The following ADAMTS2 variants were observed in gnomAD, a reference collection of about 807,000 sequenced individuals.
ADAMTS2 encodes the protein A disintegrin and metalloproteinase with thrombospondin motifs 2.
A neutral mutation model predicts 123.0 loss-of-function variants in ADAMTS2; 50 were observed. That is an observed-to-expected ratio of 0.41 (90% confidence interval 0.32 to 0.51). The LOEUF (loss-of-function observed/expected upper bound fraction) is 0.51. Among genes scored for constraint, ADAMTS2 ranks in the 20% least tolerant of loss-of-function variants. The pLI, the probability that ADAMTS2 is intolerant of heterozygous loss-of-function variation, is 0.35. For missense variants in ADAMTS2, 1,494 were observed against 1,705.2 expected (o/e 0.88, Z 2.18); for synonymous variants, 678 against 695.4 (o/e 0.98, Z 0.39).
intron 4 of ADAMTS2, among the ~76,000 whole-genome samples, chr5:179,187,558 C>T (rs999636904): frequency 6.6e-6 from 1 of 152,162 alleles, no homozygotes; most frequent in African/African-American, 2.4e-5. Context: ...GCCTGTGACC[C>T]CTCTCATGGG....
intron 5 of ADAMTS2, among the ~76,000 whole-genome samples, chr5:179,171,938 A>G (rs771923327): frequency 2.0e-5 from 3 of 152,088 alleles, no homozygotes; most frequent in Non-Finnish European, 1.5e-5. Flanking sequence ...CACACCCCTC[A>G]CAACCCAGCA....
chr5:179,284,199 C>A (rs933016666), intron 2 of ADAMTS2, among the ~76,000 whole-genome samples: 1 of 150,270 alleles, frequency 6.7e-6, no homozygotes, highest in Non-Finnish European at 1.5e-5. Context: ...CTTGGTGGTA[C>A]GCGCCTGTGG....
chr5:179,313,012 T>C (rs1293808254), intron 2 of ADAMTS2, among the ~76,000 whole-genome samples: 13 of 152,284 alleles, frequency 8.5e-5, no homozygotes, highest in Admixed American at 1.3e-4. Flanking sequence ...AGCAGTGTTG[T>C]CAGTGAGCTA....
At chr5:179,248,664 A>G (rs763943010) in intron 3 of ADAMTS2, among the ~76,000 whole-genome samples, 7 of 152,174 alleles carry the variant, frequency 4.6e-5, no homozygotes, top group Non-Finnish European at 7.4e-5. Context: ...TATATTGATG[A>G]AAGAGTCAAT....
chr5:179,216,020 A>G (rs1387134457), intron 3 of ADAMTS2, among the ~76,000 whole-genome samples: 1 of 152,266 alleles, frequency 6.6e-6, no homozygotes, highest in Non-Finnish European at 1.5e-5. Flanking sequence ...ACTCCTCTCA[A>G]GAAGCTACTG....
rs932717788 is a variant in ADAMTS2, at chr5:179,130,590, C to T, written c.2291-492G>A. On this transcript the variant is annotated intron_variant, in intron 15 of 21. Coordinates refer to ENST00000251582, the MANE Select transcript of ADAMTS2 (RefSeq NM_014244.5). The surrounding 1 kb of genome is among the most constrained non-coding windows in gnomAD (Gnocchi z 4.3). ...ACCCCATCAGGGACCATGGCCCAGC[C>T]GAGGCCCCAGCAGCTCCCCACAGCC... Among the ~76,000 whole-genome samples the T allele has an allele frequency of 6.6e-6, 1 of 152,156 alleles. No individual in the cohort carries two copies. The highest frequency in any genetic ancestry group is 2.4e-5 in the African/African-American group (1 of 41,428).
At chr5:179,201,634 A>AAATAC (rs1764568430) in intron 4 of ADAMTS2, among the ~76,000 whole-genome samples, 2 of 148,050 alleles carry the variant, frequency 1.4e-5, no homozygotes, top group Non-Finnish European at 3.0e-5. Flanking sequence ...AAAAATACAA[A>AAATAC]AAAAAAAAAA....
At chr5:179,342,269 T>C (rs1757798672) in intron 2 of ADAMTS2, among the ~76,000 whole-genome samples, 1 of 152,112 alleles carries the variant, frequency 6.6e-6, no homozygotes, top group South Asian at 2.1e-4. Context: ...TCCCACCACC[T>C]TACCTCACCC....
intron 3 of ADAMTS2, among the ~76,000 whole-genome samples, chr5:179,254,603 C>CG (rs552186244): frequency 7.9e-5 from 12 of 152,112 alleles, no homozygotes; most frequent in East Asian, 7.7e-4. Flanking sequence ...TGGGTGAAGT[C>CG]GGGGGGGCGT....
intron 18 of ADAMTS2, 120 bp downstream of exon 18, chr5:179,125,878 A>G: frequency 4.2e-6 from 6 of 1,426,116 alleles, no homozygotes; most frequent in Non-Finnish European, 5.8e-6. Context: ...ATGTGGTGAG[A>G]GAGACTTGGT....
At chr5:179,305,015 T>C (rs1561715982) in intron 2 of ADAMTS2, among the ~76,000 whole-genome samples, 1 of 148,428 alleles carries the variant, frequency 6.7e-6, no homozygotes, top group Non-Finnish European at 1.5e-5. Context: ...TTATCAAAAC[T>C]GTGAAGTCCA....
intron 10 of ADAMTS2, among the ~76,000 whole-genome samples, chr5:179,149,195 T>C (rs900982979): frequency 1.3e-5 from 2 of 152,088 alleles, no homozygotes; most frequent in African/African-American, 4.8e-5. Context: ...CGGGAAGCGT[T>C]AGGTGATGGC....
At chr5:179,293,035 G>A in intron 2 of ADAMTS2, among the ~76,000 whole-genome samples, 1 of 152,204 alleles carries the variant, frequency 6.6e-6, no homozygotes, top group East Asian at 1.9e-4. Flanking sequence ...GGGAGAGGGT[G>A]GGAAGCGTCT....
intron 2 of ADAMTS2, among the ~76,000 whole-genome samples, chr5:179,289,780 G>A (rs1380620789): frequency 2.0e-5 from 3 of 152,134 alleles, no homozygotes; most frequent in Non-Finnish European, 2.9e-5. Context: ...GTCCCAGCGT[G>A]GTGCCCTACG....
intron 3 of ADAMTS2, among the ~76,000 whole-genome samples, chr5:179,245,100 G>A (rs1765753042): frequency 6.6e-6 from 1 of 152,134 alleles, no homozygotes; most frequent in Non-Finnish European, 1.5e-5. Flanking sequence ...AGCCAGATGG[G>A]CCCAGTGTAA....
chr5:179,324,453 C>T (rs182567640), intron 2 of ADAMTS2, among the ~76,000 whole-genome samples: 5 of 145,116 alleles, frequency 3.4e-5, no homozygotes, highest in South Asian at 2.2e-4. Flanking sequence ...TGCAGTGGTG[C>T]GATCTCAGCT....
intron 3 of ADAMTS2, among the ~76,000 whole-genome samples, chr5:179,251,563 T>C (rs1028646591): frequency 6.6e-6 from 1 of 152,142 alleles, no homozygotes; most frequent in Admixed American, 6.5e-5. Flanking sequence ...GTTCTGTGTA[T>C]GGTGACCTAG....
intron 5 of ADAMTS2, among the ~76,000 whole-genome samples, chr5:179,161,008 G>A (rs1055944352): frequency 7.9e-5 from 12 of 152,248 alleles, no homozygotes; most frequent in East Asian, 5.8e-4. Flanking sequence ...CGAATCCTCC[G>A]CCAACCCACA....
intron 8 of ADAMTS2, 102 bp from the exon 9 acceptor site, chr5:179,153,725 A>T (rs1763412639): frequency 3.4e-6 from 5 of 1,467,160 alleles, no homozygotes; most frequent in Non-Finnish European, 4.6e-6. Context: ...TGGCAGCCCT[A>T]CCTGCACATC....
Sources: allele counts gnomAD v4.1 joint callset (sites outside exome capture counted in the v4.1 genomes callset), GRCh38; gene constraint gnomAD v4.1.1; non-coding constraint Gnocchi (gnomAD v3.1); transcripts MANE v1.5; gene names NCBI Gene and HGNC (gene_info 2026-07-23, HGNC 2026-07-21).